Variants in ARHGEF38 observed in about 807,000 individuals in gnomAD.
The protein encoded by ARHGEF38 is Rho guanine nucleotide exchange factor 38.
ARHGEF38 carries 79 observed loss-of-function variants against 79.9 expected under a neutral mutation model. The observed-to-expected ratio is 0.99, with a 90% CI of 0.82 to 1.19. The LOEUF (loss-of-function observed/expected upper bound fraction) is 1.19, where lower values mean the gene tolerates loss of function less well. ARHGEF38 is among the 50% of genes most tolerant of loss of function. The pLI is 0.00. For missense variants in ARHGEF38, 962 were observed against 907.2 expected (o/e 1.06, Z -0.78); for synonymous variants, 366 against 328.3 (o/e 1.11, Z -1.24).
intron 3 of ARHGEF38, among the ~76,000 whole-genome samples, chr4:105,630,249 C>CTT (rs5860803): frequency 0.049 from 6,822 of 139,936 alleles, 221 homozygotes; most frequent in Middle Eastern, 0.14. Flanking sequence ...AACTGCAACT[C>CTT]TTTTTTTTTT....
In ARHGEF38 at chr4:105,618,032, A is replaced by G. The variant is rs574220931; in HGVS notation, c.508+4525A>G. On this transcript the variant is annotated intron_variant, in intron 3 of 13. Transcript: ENST00000420470. The stretch of plus-strand genomic sequence containing the variant: ...TTGAAAAAAAGAGAGAGAGAATGAA[A>G]GAAAACAATTCAAATGGAAGCAAAA... Among the ~76,000 whole-genome samples the G allele has an allele frequency of 2.0e-5, 3 of 152,310 alleles. No homozygotes were observed. The East Asian group carries it at 5.8e-4, about 29-fold the overall frequency.
intron 3 of ARHGEF38, among the ~76,000 whole-genome samples, chr4:105,626,958 C>G (rs781015943): frequency 6.6e-6 from 1 of 151,792 alleles, no homozygotes; most frequent in South Asian, 2.1e-4. Flanking sequence ...TGCACTCACT[C>G]AGAGGTCCTA....
chr4:105,663,032 A>G (rs1730619986), intron 10 of ARHGEF38, among the ~76,000 whole-genome samples: 1 of 152,168 alleles, frequency 6.6e-6, no homozygotes, highest in South Asian at 2.1e-4. Flanking sequence ...CTGTATATTT[A>G]AACTTTTTAT....
intron 10 of ARHGEF38, among the ~76,000 whole-genome samples, chr4:105,663,150 A>G (rs1196830651): frequency 6.6e-6 from 1 of 152,172 alleles, no homozygotes; most frequent in African/African-American, 2.4e-5. Context: ...AACTACATGT[A>G]TTTCTGAAAG....
intron 8 of ARHGEF38, 79 bp from the exon 9 acceptor site, chr4:105,655,524 A>G: frequency 1.4e-6 from 2 of 1,415,040 alleles, no homozygotes; most frequent in Non-Finnish European, 9.5e-7. Flanking sequence ...GGTTATGCTG[A>G]TGAAGTCCAC....
At chr4:105,615,625 C>T (rs1043087235) in intron 3 of ARHGEF38, among the ~76,000 whole-genome samples, 10 of 152,160 alleles carry the variant, frequency 6.6e-5, no homozygotes, top group Non-Finnish European at 1.3e-4. Context: ...TGGACTTTTC[C>T]TTTTTAAAAA....
At chr4:105,636,949 A>C (rs1729421009) in intron 5 of ARHGEF38, among the ~76,000 whole-genome samples, 2 of 152,260 alleles carry the variant, frequency 1.3e-5, no homozygotes, top group Non-Finnish European at 2.9e-5. Context: ...ACAATATAGA[A>C]ATTATTTTAG....
intron 2 of ARHGEF38, among the ~76,000 whole-genome samples, chr4:105,609,661 A>G (rs775893018): frequency 1.3e-5 from 2 of 152,136 alleles, no homozygotes; most frequent in Non-Finnish European, 2.9e-5. Context: ...AACCTTGAGC[A>G]AAATGAACAA....
chr4:105,617,273 C>G (rs1284806086), intron 3 of ARHGEF38, among the ~76,000 whole-genome samples: 1 of 151,990 alleles, frequency 6.6e-6, no homozygotes, highest in East Asian at 1.9e-4. Context: ...ATTAGTGGAG[C>G]ACAGCATCAT....
intron 1 of ARHGEF38, among the ~76,000 whole-genome samples, chr4:105,573,021 C>G (rs745395617): frequency 3.3e-5 from 5 of 150,860 alleles, no homozygotes; most frequent in Non-Finnish European, 7.4e-5. Flanking sequence ...GCTGATGGGA[C>G]CTTTGTATAT....
Position 105,677,781 on chromosome 4 carries a change from A to G in ARHGEF38, c.2178A>G (p.Ala726=). The G allele has an allele frequency of 2.0e-6, 3 of 1,519,608 alleles. No individual in the cohort carries two copies. Among genetic ancestry groups the G allele is most frequent in the Non-Finnish European group, 2.6e-6 (3 of 1,135,924 alleles). 94.1% of individuals were successfully genotyped at this position (1,519,608 alleles called of 1,614,324 possible). ...TCTATGCAGTTCATGCTTTTCAAGC[A>G]CGGAGTGACCATGAACTCAGCCTTC... ...QIFYAVHAFQ[A]RSDHELSLQE... is the part of the protein sequence containing the mutation. Residue 726 remains alanine (A), a synonymous_variant, in exon 14 of 14, where the codon GCA becomes GCG. Transcript: ENST00000420470.
chr4:105,606,592 A>T (rs1270956487), intron 2 of ARHGEF38, among the ~76,000 whole-genome samples: 1 of 152,122 alleles, frequency 6.6e-6, no homozygotes, highest in East Asian at 1.9e-4. Flanking sequence ...TGTGAATAAG[A>T]CTTTAGCTAA....
chr4:105,662,134 G>A (rs1730586961), intron 10 of ARHGEF38, among the ~76,000 whole-genome samples: 1 of 152,254 alleles, frequency 6.6e-6, no homozygotes, highest in East Asian at 1.9e-4. Flanking sequence ...TAGGTTTCAA[G>A]TGTAATTTTA....
At chr4:105,648,819 C>CCT (rs71586108) in intron 7 of ARHGEF38, 137 bp downstream of exon 7, 39,911 of 487,200 alleles carry the variant, frequency 0.082, 3,423 homozygotes, top group African/African-American at 0.36. Flanking sequence ...CTCTTGTCTC[C>CCT]CTCTCTCTCT....
At chr4:105,654,275 G>A (rs1351975584) in intron 8 of ARHGEF38, 106 bp downstream of exon 8, 2 of 622,898 alleles carry the variant, frequency 3.2e-6, no homozygotes, top group Admixed American at 6.8e-5. Flanking sequence ...CTTCCTTTAT[G>A]TTATGACACC....
At chr4:105,626,554 G>A (rs946303471) in intron 3 of ARHGEF38, among the ~76,000 whole-genome samples, 11 of 152,036 alleles carry the variant, frequency 7.2e-5, no homozygotes, top group Non-Finnish European at 8.8e-5. Flanking sequence ...CCAGGAAGTC[G>A]ACTCCAGTGC....
chr4:105,677,815 C>A lies in ARHGEF38; in HGVS notation c.2212C>A (p.Gln738Lys), dbSNP rs1437878663. The A allele has an allele frequency of 6.5e-7, 1 of 1,534,196 alleles. No homozygotes were observed. Among genetic ancestry groups the A allele is most frequent in the South Asian group, 1.2e-5 (1 of 83,782 alleles). The stretch of plus-strand genomic sequence containing the variant: ...CCATGAACTCAGCCTTCAGGAATAC[C>A]AGAGAGTTCATATACTCAGGTTTTG... ...SDHELSLQEY[Q>K]RVHILRFCDL... Residue 738 changes from glutamine (Q) to lysine (K), a missense_variant, in exon 14 of 14, where the codon CAG becomes AAG. Physicochemically the swap from Gln to Lys is moderately conservative, Grantham distance 53. Coordinates refer to ENST00000420470, the MANE Select transcript of ARHGEF38 (RefSeq NM_001242729.2).
intron 2 of ARHGEF38, among the ~76,000 whole-genome samples, chr4:105,597,911 C>G (rs1386183164): frequency 6.6e-6 from 1 of 152,066 alleles, no homozygotes; most frequent in Non-Finnish European, 1.5e-5. Context: ...CTCCCTTTCT[C>G]TCTTTAAATT....
intron 3 of ARHGEF38, among the ~76,000 whole-genome samples, chr4:105,622,497 C>A (rs527924647): frequency 6.6e-6 from 1 of 152,296 alleles, no homozygotes; most frequent in African/African-American, 2.4e-5. Flanking sequence ...TGGCTGTCAT[C>A]ACTAGTTTGA....
Sources: allele counts gnomAD v4.1 joint callset (sites outside exome capture counted in the v4.1 genomes callset), GRCh38; gene constraint gnomAD v4.1.1; transcripts MANE v1.5; gene names NCBI Gene and HGNC (gene_info 2026-07-23, HGNC 2026-07-21).